Variants in CADM2 observed in about 807,000 individuals in gnomAD.
CADM2 encodes cell adhesion molecule 2, also known as immunoglobulin superfamily member 4D.
CADM2 carries 12 observed loss-of-function variants against 49.8 expected under a neutral mutation model. That is an observed-to-expected ratio of 0.24 (90% confidence interval 0.15 to 0.39). The LOEUF (loss-of-function observed/expected upper bound fraction) is 0.39. Ranked by LOEUF, CADM2 falls within the 10% of genes least tolerant of loss-of-function variation. The pLI is 1.00. For synonymous variants in CADM2, 214 were observed against 175.4 expected, an observed-to-expected ratio of 1.22 and a Z score of -1.74; for missense variants, 378 against 492.3, an observed-to-expected ratio of 0.77 and a Z score of 2.20.
intron 8 of CADM2, among the ~76,000 whole-genome samples, chr3:85,996,126 A>G (rs958911352): frequency 2.7e-5 from 4 of 150,664 alleles, no homozygotes; most frequent in Non-Finnish European, 5.9e-5. Context: ...AAAATAAAAT[A>G]AAATATAAGA....
At chr3:84,977,516 C>A (rs941923806) in intron 1 of CADM2, among the ~76,000 whole-genome samples, 44 of 151,980 alleles carry the variant, frequency 2.9e-4, no homozygotes, top group Admixed American at 2.0e-3. Context: ...TGAAAAGATA[C>A]ATTTTTTTCT....
chr3:85,059,131 C>G (rs896058959), intron 1 of CADM2, among the ~76,000 whole-genome samples: 1 of 151,578 alleles, frequency 6.6e-6, no homozygotes, highest in African/African-American at 2.4e-5. Flanking sequence ...CCCAGCTACT[C>G]GGGAGGCTGA....
intron 3 of CADM2, among the ~76,000 whole-genome samples, chr3:85,805,999 G>A (rs2072389070): frequency 6.6e-6 from 1 of 152,108 alleles, no homozygotes; most frequent in South Asian, 2.1e-4. Context: ...CAGTCTTCCA[G>A]CGGTATGCAG....
intron 2 of CADM2, among the ~76,000 whole-genome samples, chr3:85,743,564 C>A (rs1007312197): frequency 6.6e-6 from 1 of 152,134 alleles, no homozygotes; most frequent in Non-Finnish European, 1.5e-5. Flanking sequence ...TATCCTCCTG[C>A]CTCCTAACCA....
intron 1 of CADM2, among the ~76,000 whole-genome samples, chr3:85,549,917 T>C (rs6549035): frequency 0.59 from 89,806 of 151,238 alleles, 28,122 homozygotes; most frequent in East Asian, 0.93. Context: ...CAGACATGAC[T>C]CACCACCTAA....
intron 5 of CADM2, among the ~76,000 whole-genome samples, chr3:85,888,264 T>C (rs949652537): frequency 6.6e-6 from 1 of 152,176 alleles, no homozygotes; most frequent in Non-Finnish European, 1.5e-5. Context: ...TGTAGCTGCA[T>C]GACAAACCCA....
At chr3:85,664,852 C>A (rs1405467739) in intron 1 of CADM2, among the ~76,000 whole-genome samples, 1 of 151,938 alleles carries the variant, frequency 6.6e-6, no homozygotes, top group African/African-American at 2.4e-5. Flanking sequence ...CACCCCTGCC[C>A]CCCTTATGAT....
In CADM2 at chr3:85,785,790, A is replaced by G. The variant is rs147713048; in HGVS notation, c.89-16257A>G. On this transcript the variant is annotated intron_variant, in intron 2 of 9. Coordinates refer to ENST00000383699, the MANE Select transcript of CADM2 (RefSeq NM_001167675.2). ...TCTTGCTAGTGACACCGGCTATTCGAAATTCTTCCATCAGCTTCCATTTTC... is the reference window on the plus strand; with the variant it reads ...TCTTGCTAGTGACACCGGCTATTCGGAATTCTTCCATCAGCTTCCATTTTC... 1.1e-4 allele frequency among the ~76,000 whole-genome samples: 16 copies of G among 152,230 alleles called. No individual in the cohort carries two copies. The East Asian group carries it at 3.1e-3, about 29-fold the overall frequency.
intron 1 of CADM2, among the ~76,000 whole-genome samples, chr3:85,426,498 G>T (rs780242391): frequency 1.3e-5 from 2 of 151,962 alleles, no homozygotes; most frequent in Non-Finnish European, 2.9e-5. Flanking sequence ...AATAACTTTT[G>T]TGGGTACACC....
At chr3:85,188,582 T>C (rs562379197) in intron 1 of CADM2, among the ~76,000 whole-genome samples, 22 of 152,292 alleles carry the variant, frequency 1.4e-4, no homozygotes, top group African/African-American at 5.3e-4. Context: ...CAAGTTGTTT[T>C]TTTTCATATT....
intron 1 of CADM2, among the ~76,000 whole-genome samples, chr3:85,618,047 C>T (rs2063847008): frequency 1.3e-5 from 2 of 152,082 alleles, no homozygotes; most frequent in African/African-American, 4.8e-5. Flanking sequence ...TTTAAACATA[C>T]AGTCATTCTT....
At chr3:85,683,380 T>C (rs903950305) in intron 1 of CADM2, among the ~76,000 whole-genome samples, 1 of 152,184 alleles carries the variant, frequency 6.6e-6, no homozygotes, top group Non-Finnish European at 1.5e-5. Flanking sequence ...CTCCCTGTCT[T>C]AACAGGTTAA....
At chr3:85,620,126 C>A (rs939974555) in intron 1 of CADM2, among the ~76,000 whole-genome samples, 1 of 152,022 alleles carries the variant, frequency 6.6e-6, no homozygotes, top group Admixed American at 6.6e-5. Flanking sequence ...TTGGTCAAGT[C>A]CTTGGGTACC....
intron 1 of CADM2, among the ~76,000 whole-genome samples, chr3:85,437,739 T>A (rs924705004): frequency 2.0e-5 from 3 of 152,016 alleles, no homozygotes; most frequent in Admixed American, 6.6e-5. Context: ...GATTCAAACC[T>A]CCATATATTA....
At chr3:85,312,003 G>C (rs2044357016) in intron 1 of CADM2, among the ~76,000 whole-genome samples, 1 of 152,034 alleles carries the variant, frequency 6.6e-6, no homozygotes. Flanking sequence ...ATTTGCCAGA[G>C]GATGCTAAGA....
At chr3:85,876,404 T>G (rs1711844092) in intron 3 of CADM2, among the ~76,000 whole-genome samples, 1 of 152,160 alleles carries the variant, frequency 6.6e-6, no homozygotes, top group Non-Finnish European at 1.5e-5. Context: ...CAATTTAATC[T>G]AATAAATTAC....
At chr3:85,537,660 T>A (rs1453756087) in intron 1 of CADM2, among the ~76,000 whole-genome samples, 1 of 151,892 alleles carries the variant, frequency 6.6e-6, no homozygotes, top group African/African-American at 2.4e-5. Flanking sequence ...TGTCATGTTA[T>A]AACCAGTTAA....
intron 1 of CADM2, among the ~76,000 whole-genome samples, chr3:85,693,382 C>T (rs2066446119): frequency 2.7e-5 from 4 of 150,876 alleles, no homozygotes; most frequent in South Asian, 4.2e-4. Context: ...AGATCGAGAC[C>T]ATCCTGGCTA....
chr3:85,513,464 G>C (rs1483579713), intron 1 of CADM2, among the ~76,000 whole-genome samples: 11 of 151,192 alleles, frequency 7.3e-5, no homozygotes, highest in Non-Finnish European at 1.5e-5. Context: ...CACATCTCTG[G>C]GGTCCTTTGT....
Sources: allele counts gnomAD v4.1 joint callset (sites outside exome capture counted in the v4.1 genomes callset), GRCh38; gene constraint gnomAD v4.1.1; transcripts MANE v1.5; gene names NCBI Gene and HGNC (gene_info 2026-07-23, HGNC 2026-07-21).